The following C12orf54 variants were observed in gnomAD, a reference collection of about 807,000 sequenced individuals.
The protein encoded by C12orf54 is uncharacterized protein C12orf54.
A neutral mutation model predicts 26.4 loss-of-function variants in C12orf54; 24 were observed. That is an observed-to-expected ratio of 0.91 (90% CI 0.66 to 1.28). C12orf54 has a LOEUF of 1.28. Ranked by LOEUF, C12orf54 falls within the 50% of genes most tolerant of loss-of-function variation. The probability of loss-of-function intolerance (pLI) is 0.00; values close to 1 mark genes in which losing one functional copy is unlikely to be tolerated. For synonymous variants in C12orf54, 54 were observed against 47.0 expected, an observed-to-expected ratio of 1.15 and a Z score of -0.61; for missense variants, 154 against 150.9, an observed-to-expected ratio of 1.02 and a Z score of -0.11.
the C12orf54 span, among the ~76,000 whole-genome samples, chr12:48,429,431 C>A: frequency 6.6e-6 from 1 of 151,992 alleles, no homozygotes; most frequent in African/African-American, 2.4e-5. Context: ...AAAGACTCCT[C>A]CAGAAGGCTC....
the C12orf54 span, among the ~76,000 whole-genome samples, chr12:48,456,531 C>A: frequency 6.6e-6 from 1 of 152,148 alleles, no homozygotes; most frequent in Non-Finnish European, 1.5e-5. Flanking sequence ...ATCATGGACT[C>A]TGGAGCCAAA....
At chr12:48,433,453 T>TC in the C12orf54 span, among the ~76,000 whole-genome samples, 52 of 41,850 alleles carry the variant, frequency 1.2e-3, 1 homozygote, top group African/African-American at 4.2e-3. Context: ...CAAGCTTTTT[T>TC]TTGGGGGGGG....
At chr12:48,421,323 G>A in the C12orf54 span, among the ~76,000 whole-genome samples, 1 of 128,008 alleles carries the variant, frequency 7.8e-6, no homozygotes, top group Admixed American at 8.7e-5. Flanking sequence ...AGAGCGCAGG[G>A]AGGTGCCACA....
chr12:48,415,682 G>A, the C12orf54 span, among the ~76,000 whole-genome samples: 1 of 152,006 alleles, frequency 6.6e-6, no homozygotes, highest in African/African-American at 2.4e-5. Flanking sequence ...TTCCTTAGAT[G>A]TTCTGGAAAA....
chr12:48,488,235 C>T, intron 4 of C12orf54: 1 of 665,522 alleles, frequency 1.5e-6, no homozygotes, highest in African/African-American at 1.8e-5. Context: ...ATGCCGCAGC[C>T]ATCCAGAGAC....
the C12orf54 span, among the ~76,000 whole-genome samples, chr12:48,456,446 G>C: frequency 6.6e-6 from 1 of 152,156 alleles, no homozygotes; most frequent in Non-Finnish European, 1.5e-5. Flanking sequence ...AACGAGGAGT[G>C]GCAGAAGTCT....
chr12:48,494,100 C>T (rs2468352), intron 7 of C12orf54, among the ~76,000 whole-genome samples: 4,380 of 52,438 alleles, frequency 0.084, 1,464 homozygotes, highest in East Asian at 0.64. Flanking sequence ...GTGCCTGTAA[C>T]CCCAGCTACT....
the C12orf54 span, among the ~76,000 whole-genome samples, chr12:48,452,078 C>T: frequency 6.6e-6 from 1 of 152,156 alleles, no homozygotes; most frequent in Admixed American, 6.5e-5. Flanking sequence ...TACCCAAATT[C>T]AAACTATACT....
At chr12:48,433,874 G>A in the C12orf54 span, among the ~76,000 whole-genome samples, 1 of 152,222 alleles carries the variant, frequency 6.6e-6, no homozygotes, top group African/African-American at 2.4e-5. Context: ...TTCCATCTGA[G>A]GTACTGGGTT....
chr12:48,475,755 G>A, the C12orf54 span, among the ~76,000 whole-genome samples: 10 of 152,128 alleles, frequency 6.6e-5, no homozygotes, highest in South Asian at 2.1e-4. Flanking sequence ...GTGAAAAGAC[G>A]AAATCTACAT....
At chr12:48,490,972 A>T (rs974174551) in intron 6 of C12orf54, 136 bp downstream of exon 6, 3 of 1,088,920 alleles carry the variant, frequency 2.8e-6, no homozygotes, top group Admixed American at 2.1e-5. Context: ...CCAAAGTCTC[A>T]CCCTAGGATC....
the C12orf54 span, among the ~76,000 whole-genome samples, chr12:48,457,468 G>A: frequency 2.0e-5 from 3 of 151,846 alleles, no homozygotes; most frequent in African/African-American, 7.3e-5. Context: ...TGAGTAGCTG[G>A]GATTACAGGT....
chr12:48,427,257 T>C, the C12orf54 span, among the ~76,000 whole-genome samples: 1 of 152,212 alleles, frequency 6.6e-6, no homozygotes, highest in Admixed American at 6.5e-5. Context: ...GTTCATTTGA[T>C]ACCTAGTTTA....
In C12orf54 at chr12:48,490,840, A is replaced by C. The variant is rs1738013242; in HGVS notation, c.193+4A>C. The C allele has an allele frequency of 3.1e-6, 5 of 1,613,190 alleles. No homozygotes were observed. On this transcript the variant is annotated splice_donor_region_variant and intron_variant, in intron 6 of 8. Transcript: ENST00000548364. ...CAGGAAGATGCTCGGATTCGAGGTA[A>C]AACAGCACCATTCCAAGGTTTGGAA... is the stretch of plus-strand genomic sequence containing the variant.
chr12:48,416,391 G>A, the C12orf54 span, among the ~76,000 whole-genome samples: 1 of 152,264 alleles, frequency 6.6e-6, no homozygotes, highest in South Asian at 2.1e-4. Flanking sequence ...TTTCTTCTGT[G>A]CCAAAGCCTC....
Position 48,483,295 on chromosome 12 carries a change from A to G in C12orf54, c.-2A>G, listed in dbSNP as rs1954220048. 2.5e-6 allele frequency: 4 copies of G among 1,613,974 alleles called. No homozygotes were observed. In the East Asian group the frequency reaches 6.7e-5, roughly 27 times the overall value. ...GAGTCCTTGGTTTCTGTCTGAGAAC[A>G]AATGGCACAGCATCCCTGCCAGGAT... On this transcript the variant is annotated 5_prime_UTR_variant, in exon 2 of 9. Transcript: ENST00000548364.
At chr12:48,492,536 T>C (rs746352843) in intron 6 of C12orf54, among the ~76,000 whole-genome samples, 1 of 152,188 alleles carries the variant, frequency 6.6e-6, no homozygotes, top group Non-Finnish European at 1.5e-5. Context: ...GCTGCTGCTT[T>C]TCCACTTCCT....
chr12:48,476,144 T>A, the C12orf54 span, among the ~76,000 whole-genome samples: 2 of 152,146 alleles, frequency 1.3e-5, no homozygotes, highest in Non-Finnish European at 2.9e-5. Flanking sequence ...TCAGCCAAAC[T>A]AAGCTTCATA....
At chr12:48,444,691 T>C in the C12orf54 span, among the ~76,000 whole-genome samples, 1 of 152,154 alleles carries the variant, frequency 6.6e-6, no homozygotes, top group Non-Finnish European at 1.5e-5. Context: ...AAACTCTGAA[T>C]CCAAATTTAG....
Sources: allele counts gnomAD v4.1 joint callset (sites outside exome capture counted in the v4.1 genomes callset), GRCh38; gene constraint gnomAD v4.1.1; transcripts MANE v1.5; gene names NCBI Gene and HGNC (gene_info 2026-07-23, HGNC 2026-07-21).